HPS5: variants seen among roughly 807,000 people sequenced by gnomAD.
HPS5 encodes HPS5 biogenesis of lysosomal organelles complex 2 subunit 2.
In HPS5, 83 loss-of-function variants were observed where a neutral mutation model predicts 128.0. The ratio of observed to expected loss-of-function variants is 0.65; its 90% CI spans 0.54 to 0.78. The LOEUF (loss-of-function observed/expected upper bound fraction) is 0.78. Ranked by LOEUF, HPS5 falls within the 30% of genes least tolerant of loss-of-function variation. The pLI is 0.00. For synonymous variants in HPS5, 475 were observed against 470.2 expected, an observed-to-expected ratio of 1.01 and a Z score of -0.13; for missense variants, 1,281 against 1,326.2, an observed-to-expected ratio of 0.97 and a Z score of 0.53.
At chr11:18,286,133 T>G (rs1859679977) in intron 19 of HPS5, among the ~76,000 whole-genome samples, 1 of 152,224 alleles carries the variant, frequency 6.6e-6, no homozygotes, top group Non-Finnish European at 1.5e-5. Context: ...ATACTTAATC[T>G]CATTACTACC....
chr11:18,287,645 C>T lies in HPS5; in HGVS notation c.2607G>A (p.Lys869=). ...CCGATGGCAAAATGGATGGAAAGAA[C>T]TTGATTAAGGATCGAAGAGCAGACT... ...FGESALRSLI[K]FFPSILPSDI... Residue 869 remains lysine (K), a synonymous_variant, in exon 18 of 23, where the codon AAG becomes AAA. Transcript: ENST00000349215. The T allele has an allele frequency of 6.2e-7, 1 of 1,614,148 alleles. No individual in the cohort carries two copies. The highest frequency in any genetic ancestry group is 2.2e-5 in the East Asian group (1 of 44,882).
chr11:18,317,609 T>C (rs1252480769), intron 2 of HPS5, 142 bp downstream of exon 2: 15 of 819,172 alleles, frequency 1.8e-5, no homozygotes, highest in Non-Finnish European at 2.6e-5. Flanking sequence ...GTTTATTTTC[T>C]TCTTTTTTTT....
At chr11:18,291,216 A>C (rs915007198) in intron 16 of HPS5, among the ~76,000 whole-genome samples, 2 of 152,200 alleles carry the variant, frequency 1.3e-5, no homozygotes, top group African/African-American at 4.8e-5. Context: ...CTCAAAAAAA[A>C]TAAAATAAAT....
At chr11:18,285,507 G>C in intron 19 of HPS5, 48 bp from the exon 20 acceptor site, 1 of 1,261,056 alleles carries the variant, frequency 7.9e-7, no homozygotes, top group South Asian at 1.2e-5. Flanking sequence ...ATAAACTCTA[G>C]AAAATGCTTA....
At chr11:18,321,110 T>A (rs1281967551) in intron 1 of HPS5, among the ~76,000 whole-genome samples, 1 of 152,236 alleles carries the variant, frequency 6.6e-6, no homozygotes, top group African/African-American at 2.4e-5. Flanking sequence ...CAATTTATTA[T>A]CCTACTTTTG....
chr11:18,285,569 T>C, intron 19 of HPS5, 110 bp from the exon 20 acceptor site: 1 of 740,150 alleles, frequency 1.4e-6, no homozygotes, highest in South Asian at 1.7e-5. Flanking sequence ...ATTACTACAT[T>C]TTAAAAACAT....
chr11:18,305,304 CTTTCTA>C, intron 8 of HPS5, 112 bp downstream of exon 8: 1 of 693,522 alleles, frequency 1.4e-6, no homozygotes, highest in Non-Finnish European at 2.6e-6. Flanking sequence ...TATTTCCTAA[CTTTCTA>C]TAAGTAATTT....
chr11:18,292,409 G>A (rs558974880), intron 15 of HPS5, among the ~76,000 whole-genome samples: 7 of 152,066 alleles, frequency 4.6e-5, no homozygotes, highest in Admixed American at 2.0e-4. Flanking sequence ...GCCCTGGATG[G>A]TCTCAAACTT....
chr11:18,300,960 A>T (rs1390418682), intron 8 of HPS5, 44 bp from the exon 9 acceptor site: 1 of 1,112,472 alleles, frequency 9.0e-7, no homozygotes, highest in East Asian at 2.4e-5. Flanking sequence ...GCTAGGATAC[A>T]AAAGTTTATA....
At chr11:18,319,175 C>T (rs1272635033) in intron 1 of HPS5, among the ~76,000 whole-genome samples, 1 of 151,026 alleles carries the variant, frequency 6.6e-6, no homozygotes, top group East Asian at 1.9e-4. Flanking sequence ...TAGTAAAGTA[C>T]CAGGCACAGT....
Position 18,286,521 on chromosome 11 carries a change from G to A in HPS5, c.2837+70C>T, listed in dbSNP as rs115802347. 1,876 of 1,474,870 alleles carry A rather than the reference G, an allele frequency of 1.3e-3. 26 individuals are homozygous for A. In the African/African-American group the frequency reaches 0.023, roughly 18 times the overall value. The allele number at this position is 1,474,870 out of a possible 1,614,324, so 91.4% of individuals were successfully genotyped here. A position where few individuals can be genotyped will look rare whatever the true frequency, so the allele number is the denominator to read the frequency against. ...CTTAGCACCACATTCCAGCCTAGGC[G>A]ACAGAGTGAGATCCTGTCTCAAAAA... On this transcript the variant is annotated intron_variant, in intron 19 of 22. Transcript: ENST00000349215.
At chr11:18,297,085 A>C (rs1348359888) in intron 11 of HPS5, 101 bp from the exon 12 acceptor site, 1 of 812,196 alleles carries the variant, frequency 1.2e-6, no homozygotes, top group African/African-American at 1.7e-5. Context: ...ATAGAAAGTT[A>C]ATAACAACCA....
intron 6 of HPS5, among the ~76,000 whole-genome samples, chr11:18,308,267 A>G (rs1353870391): frequency 6.6e-6 from 1 of 152,218 alleles, no homozygotes; most frequent in Non-Finnish European, 1.5e-5. Flanking sequence ...AAAGCTCTTA[A>G]TTATTTTTCA....
intron 22 of HPS5, chr11:18,280,464 A>G (rs1179744740): frequency 1.5e-6 from 1 of 653,018 alleles, no homozygotes; most frequent in Non-Finnish European, 2.7e-6. Flanking sequence ...TGCAGTCTCT[A>G]CAGAACAGTA....
chr11:18,286,749 G>T, intron 18 of HPS5, 39 bp from the exon 19 acceptor site: 1 of 1,611,804 alleles, frequency 6.2e-7, no homozygotes, highest in South Asian at 1.1e-5. Flanking sequence ...CAATCTTCAT[G>T]CTAAGAAAGG....
intron 4 of HPS5, 31 bp downstream of exon 4, chr11:18,311,356 A>C: frequency 6.9e-7 from 1 of 1,458,330 alleles, no homozygotes; most frequent in Non-Finnish European, 9.6e-7. Context: ...GCATTTGAAA[A>C]AGGACAGATA....
rs530409337 is a variant in HPS5, at chr11:18,317,400, C to T, written c.108+351G>A. Among the ~76,000 whole-genome samples, 8 of 151,774 alleles carry T rather than the reference C, an allele frequency of 5.3e-5. No homozygotes were observed. In the East Asian group the frequency reaches 7.8e-4, roughly 15 times the overall value. ...CCTCCCGAGTACCTGGGATTACAGG[C>T]GCGTGCCACCTTGCCCGGCTAATTT... On this transcript the variant is annotated intron_variant, in intron 2 of 22. Transcript: ENST00000349215.
intron 2 of HPS5, among the ~76,000 whole-genome samples, chr11:18,312,366 G>A (rs1863115434): frequency 6.6e-6 from 1 of 152,158 alleles, no homozygotes; most frequent in African/African-American, 2.4e-5. Flanking sequence ...GAAGACCAAG[G>A]AAGTTACCAG....
chr11:18,294,139 T>A (rs904087199), intron 14 of HPS5, among the ~76,000 whole-genome samples: 1 of 152,154 alleles, frequency 6.6e-6, no homozygotes, highest in Non-Finnish European at 1.5e-5. Flanking sequence ...AATTAAGGGC[T>A]CTGCTACAAC....
Sources: allele counts gnomAD v4.1 joint callset (sites outside exome capture counted in the v4.1 genomes callset), GRCh38; gene constraint gnomAD v4.1.1; transcripts MANE v1.5; gene names NCBI Gene and HGNC (gene_info 2026-07-23, HGNC 2026-07-21).